The following NAALADL2 variants were observed in gnomAD, a reference collection of about 807,000 sequenced individuals.
NAALADL2 encodes N-acetylated alpha-linked acidic dipeptidase like 2, also known as inactive N-acetylated-alpha-linked acidic dipeptidase-like protein 2.
Under a neutral mutation model 87.2 loss-of-function variants are expected in NAALADL2, and 76 were observed. The ratio of observed to expected loss-of-function variants is 0.87; its 90% CI spans 0.72 to 1.05. The LOEUF (loss-of-function observed/expected upper bound fraction) is 1.05, where lower values mean the gene tolerates loss of function less well. Ranked by LOEUF, NAALADL2 falls within the 50% of genes least tolerant of loss-of-function variation. NAALADL2 has a pLI of 0.00. For synonymous variants in NAALADL2, 354 were observed against 331.0 expected (o/e 1.07, Z -0.75); for missense variants, 1,089 against 945.8 (o/e 1.15, Z -1.99).
chr3:175,382,500 A>C (rs1767897779), intron 5 of NAALADL2, among the ~76,000 whole-genome samples: 1 of 151,654 alleles, frequency 6.6e-6, no homozygotes, highest in South Asian at 2.1e-4. Flanking sequence ...TTGAATTCAG[A>C]AAAGATGAAT....
At chr3:174,597,385 T>C (rs892062263) in intron 2 of NAALADL2, among the ~76,000 whole-genome samples, 1 of 152,170 alleles carries the variant, frequency 6.6e-6, no homozygotes, top group Non-Finnish European at 1.5e-5. Context: ...ACGTAAACTA[T>C]ATCGTTTGCA....
At chr3:175,369,895 C>A (rs1402976953) in intron 5 of NAALADL2, among the ~76,000 whole-genome samples, 1 of 152,076 alleles carries the variant, frequency 6.6e-6, no homozygotes, top group Non-Finnish European at 1.5e-5. Context: ...TAACAAAATC[C>A]TACATTCCGG....
At chr3:175,474,431 T>C (rs1191200817) in intron 9 of NAALADL2, among the ~76,000 whole-genome samples, 2 of 152,050 alleles carry the variant, frequency 1.3e-5, no homozygotes, top group Admixed American at 1.3e-4. Flanking sequence ...TAAGTACATT[T>C]ATAGAATGTT....
chr3:175,773,778 T>TA (rs1241533579), intron 13 of NAALADL2: 2 of 152,072 alleles, frequency 1.3e-5, no homozygotes, highest in Non-Finnish European at 2.9e-5. Context: ...TATAAGATCA[T>TA]AAAAAATATG....
At chr3:175,659,566 A>C (rs1249493258) in intron 11 of NAALADL2, among the ~76,000 whole-genome samples, 1 of 152,206 alleles carries the variant, frequency 6.6e-6, no homozygotes, top group African/African-American at 2.4e-5. Flanking sequence ...TAGGATGAAC[A>C]AAAGTAGGTC....
intron 9 of NAALADL2, among the ~76,000 whole-genome samples, chr3:175,545,048 C>A (rs1261662512): frequency 6.6e-6 from 1 of 152,114 alleles, no homozygotes; most frequent in East Asian, 1.9e-4. Context: ...GTATGACAAA[C>A]AACAAAATTC....
At position 174,713,864 on chromosome 3, in the gene NAALADL2, A is replaced by T. The variant is rs1730926273; in HGVS notation, c.-114-23777A>T. On this transcript the variant is annotated intron_variant, in intron 2 of 3. Coordinates refer to the NAALADL2 transcript ENST00000434257. Reference sequence around the variant, plus strand: ...CATTGCTTTTGGTGTTTTAGACATGAAGTCCTTGCCCATGCCTATGTCCTG... The same window carrying T: ...CATTGCTTTTGGTGTTTTAGACATGTAGTCCTTGCCCATGCCTATGTCCTG... Among the ~76,000 whole-genome samples the T allele has an allele frequency of 2.0e-5, 3 of 151,934 alleles. 1 individual carries two copies. The highest frequency in any genetic ancestry group is 2.0e-4 in the Admixed American group (3 of 15,238).
At chr3:174,537,666 A>G (rs1174892438) in intron 1 of NAALADL2, among the ~76,000 whole-genome samples, 6 of 152,174 alleles carry the variant, frequency 3.9e-5, no homozygotes, top group African/African-American at 1.4e-4. Context: ...AAGCCAGGCT[A>G]GGTATGGCTA....
chr3:175,477,480 T>C (rs571213132), intron 9 of NAALADL2, among the ~76,000 whole-genome samples: 5 of 152,106 alleles, frequency 3.3e-5, no homozygotes, highest in African/African-American at 4.8e-5. Context: ...ATATTTTACT[T>C]TTTAGAGCTG....
intron 9 of NAALADL2, among the ~76,000 whole-genome samples, chr3:175,486,538 T>G (rs1727285339): frequency 6.6e-6 from 1 of 152,136 alleles, no homozygotes. Context: ...CTGACTTCTG[T>G]TTTTCGTCAT....
At chr3:175,458,013 T>C (rs1722576679) in intron 6 of NAALADL2, among the ~76,000 whole-genome samples, 1 of 152,142 alleles carries the variant, frequency 6.6e-6, no homozygotes. Context: ...AATTGTCAAA[T>C]GTTAGGCAGT....
intron 1 of NAALADL2, among the ~76,000 whole-genome samples, chr3:175,023,628 A>G (rs146034449): frequency 3.0e-4 from 46 of 152,234 alleles, no homozygotes; most frequent in Middle Eastern, 3.4e-3. Flanking sequence ...ACTGAATGAC[A>G]TACTACTCAT....
chr3:174,884,348 T>C (rs1445324050), intron 1 of NAALADL2, among the ~76,000 whole-genome samples: 2 of 152,198 alleles, frequency 1.3e-5, no homozygotes, highest in African/African-American at 4.8e-5. Context: ...AAAAGTATTG[T>C]CACCTAGTTG....
At chr3:174,908,190 C>T (rs1267273338) in intron 1 of NAALADL2, among the ~76,000 whole-genome samples, 1 of 151,896 alleles carries the variant, frequency 6.6e-6, no homozygotes, top group East Asian at 1.9e-4. Context: ...AAATAAATGC[C>T]AGGAAGTCAG....
At chr3:174,583,153 G>A (rs915104954) in intron 2 of NAALADL2, among the ~76,000 whole-genome samples, 1 of 152,116 alleles carries the variant, frequency 6.6e-6, no homozygotes, top group African/African-American at 2.4e-5. Flanking sequence ...CAAAATGATG[G>A]CAAAGTCCAG....
chr3:174,734,053 G>A (rs1732958859), intron 2 of NAALADL2, among the ~76,000 whole-genome samples: 2 of 152,078 alleles, frequency 1.3e-5, no homozygotes, highest in African/African-American at 4.8e-5. Flanking sequence ...CCTGTCTATG[G>A]GACTACTGGG....
At chr3:174,494,595 C>T (rs1198664543) in intron 1 of NAALADL2, among the ~76,000 whole-genome samples, 1 of 146,924 alleles carries the variant, frequency 6.8e-6, no homozygotes, top group East Asian at 2.0e-4. Context: ...GCACGTTGTG[C>T]ACATGTACCC....
At chr3:175,759,352 CTTTTT>C in intron 13 of NAALADL2, among the ~76,000 whole-genome samples, 1 of 139,916 alleles carries the variant, frequency 7.1e-6, no homozygotes, top group South Asian at 2.3e-4. Flanking sequence ...TCAAGAAAGA[CTTTTT>C]TTTTTTTTTT....
At chr3:174,767,438 A>G (rs149762098) in intron 3 of NAALADL2, among the ~76,000 whole-genome samples, 1 of 152,288 alleles carries the variant, frequency 6.6e-6, no homozygotes, top group East Asian at 1.9e-4. Flanking sequence ...TATCACCTGG[A>G]TCTAACATTC....
Sources: gnomAD v4.1 joint callset for allele counts (sites outside exome capture counted in the v4.1 genomes callset) on GRCh38, gnomAD v4.1.1 for gene constraint, MANE v1.5 for transcripts, NCBI Gene and HGNC (gene_info 2026-07-23, HGNC 2026-07-21) for gene names.